Variants in CHAF1A observed in about 807,000 individuals in gnomAD.
CHAF1A encodes the protein CAF-1 subunit A.
Under a neutral mutation model 93.2 loss-of-function variants are expected in CHAF1A, and 5 were observed. That is an observed-to-expected ratio of 0.05 (90% CI 0.03 to 0.11). The LOEUF is 0.11. Among genes scored for constraint, CHAF1A ranks in the 10% least tolerant of loss-of-function variants. The pLI is 1.00. For synonymous variants in CHAF1A, 504 were observed against 510.3 expected, an observed-to-expected ratio of 0.99 and a Z score of 0.17; for missense variants, 1,102 against 1,259.9, an observed-to-expected ratio of 0.87 and a Z score of 1.90.
At position 4,421,622 on chromosome 19, in the gene CHAF1A, C is replaced by T. The variant is rs544176994; in HGVS notation, c.1018-944C>T. ...CAAAACCCCATCTCTAGGAAAATTA[C>T]AAAAATAGCTGGGTATAGTGGTGTG... On this transcript the variant is annotated intron_variant, in intron 4 of 14. Transcript: ENST00000301280. Among the ~76,000 whole-genome samples the T allele has an allele frequency of 4.5e-4, 69 of 152,128 alleles. 1 individual carries two copies. The highest frequency in any genetic ancestry group is 1.7e-3 in the Admixed American group (26 of 15,270).
At chr19:4,414,002 G>A (rs1973854824) in intron 3 of CHAF1A, among the ~76,000 whole-genome samples, 1 of 152,152 alleles carries the variant, frequency 6.6e-6, no homozygotes, top group Non-Finnish European at 1.5e-5. Context: ...TGATCATGTT[G>A]GTGCAGTTGT....
At chr19:4,414,750 C>A (rs1973868275) in intron 3 of CHAF1A, among the ~76,000 whole-genome samples, 1 of 152,152 alleles carries the variant, frequency 6.6e-6, no homozygotes, top group South Asian at 2.1e-4. Flanking sequence ...TGATTGTTCC[C>A]TTGAGCTTCC....
At chr19:4,445,799 G>GCCTAAA, downstream of CHAF1A, 1 of 1,152,674 alleles carries the variant, frequency 8.7e-7, no homozygotes, top group Non-Finnish European at 1.2e-6. Flanking sequence ...CAGGACCTAA[G>GCCTAAA]CCTAAACCTA....
chr19:4,430,729 G>A, intron 11 of CHAF1A, 88 bp downstream of exon 11: 7 of 1,380,642 alleles, frequency 5.1e-6, no homozygotes, highest in South Asian at 1.2e-5. Flanking sequence ...GGGTGACGGG[G>A]GTCCCAGCCC....
chr19:4,409,247 C>G lies in CHAF1A; in HGVS notation c.448C>G (p.Gln150Glu). The G allele has an allele frequency of 1.9e-6, 3 of 1,614,142 alleles. No individual in the cohort carries two copies. The highest frequency in any genetic ancestry group is 2.5e-6 in the Non-Finnish European group (3 of 1,180,014). The change falls in exon 3 of 15, where the codon CAG (glutamine) becomes GAG (glutamate). Residue 150 changes from glutamine to glutamate, a missense_variant. Gln to Glu is a conservative substitution (Grantham distance 29, BLOSUM62 2). Transcript: ENST00000301280. ...TCCCTCCAGGGAGGCAATAAATGGC[C>G]AGCGAGAAGACACTGGGGATCAGCA... ...ASPSREAING[Q>E]REDTGDQQGL...
rs1255152459 is a variant in CHAF1A, at chr19:4,433,836, A to G, written c.2673+297A>G. On this transcript the variant is annotated intron_variant, in intron 13 of 14. Transcript: ENST00000301280. The surrounding 1 kb of genome is among the most constrained non-coding windows in gnomAD (Gnocchi z 5.6). ...AGGCTGGTCTCGAACTCCTGACCTC[A>G]TGATCCGTCTGCCTTGTCCTCCCAA... Among the ~76,000 whole-genome samples the G allele has an allele frequency of 6.6e-6, 1 of 151,898 alleles. No homozygotes were observed. The highest frequency in any genetic ancestry group is 1.5e-5 in the Non-Finnish European group (1 of 67,972).
rs963264989 is a variant in CHAF1A at position 4,423,193 on chromosome 19, A to G, written c.1248-142A>G. On this transcript the variant is annotated intron_variant, in intron 5 of 14. Coordinates refer to ENST00000301280, the MANE Select transcript of CHAF1A (RefSeq NM_005483.3). ...CATTTTTATTGTGAAGACCTATGTAAAAGCCTTATACTAGACATGAAAATA... is the reference window on the plus strand; with the variant it reads ...CATTTTTATTGTGAAGACCTATGTAGAAGCCTTATACTAGACATGAAAATA... 5.6e-6 allele frequency: 7 copies of G among 1,244,754 alleles called. No homozygotes were observed. The African/African-American group carries it at 1.1e-4, about 19-fold the overall frequency. The allele number at this position is 1,244,754 out of a possible 1,614,324, so 77.1% of individuals were successfully genotyped here. A position where few individuals can be genotyped will look rare whatever the true frequency, so the allele number is the denominator to read the frequency against.
downstream of CHAF1A, chr19:4,447,750 C>G: frequency 1.0e-6 from 1 of 958,876 alleles, no homozygotes; most frequent in Non-Finnish European, 1.7e-6. Flanking sequence ...AAGAAGCGGC[C>G]CAGTGACGCG....
chr19:4,444,352 T>C (rs942288258), downstream of CHAF1A, among the ~76,000 whole-genome samples: 5 of 152,102 alleles, frequency 3.3e-5, no homozygotes, highest in Admixed American at 1.3e-4. Context: ...TCCCTGTGTC[T>C]CCTGGGGCTG....
chr19:4,415,380 G>A (rs568259658), intron 3 of CHAF1A, among the ~76,000 whole-genome samples: 1 of 152,156 alleles, frequency 6.6e-6, no homozygotes, highest in Non-Finnish European at 1.5e-5. Flanking sequence ...TCACAGCAGA[G>A]GGGGGGCATT....
chr19:4,444,115 C>T (rs572137628), downstream of CHAF1A, among the ~76,000 whole-genome samples: 10 of 152,302 alleles, frequency 6.6e-5, no homozygotes, highest in South Asian at 1.4e-3. Flanking sequence ...CCCGACAACC[C>T]GGAATCAGGT....
Position 4,443,127 on chromosome 19 carries a change from C to T in CHAF1A, c.*102C>T, listed in dbSNP as rs774112475. 180 of 782,974 alleles carry T rather than the reference C, an allele frequency of 2.3e-4. No homozygotes were observed. In the Middle Eastern group the frequency reaches 3.1e-3, roughly 14 times the overall value. The allele number at this position is 782,974 out of a possible 1,614,324, so 48.5% of individuals were successfully genotyped here. On this transcript the variant is annotated 3_prime_UTR_variant, in exon 15 of 15. Coordinates refer to ENST00000301280, the MANE Select transcript of CHAF1A (RefSeq NM_005483.3). ...GTAAAGAGCACTTTGTCCTGCTTCA[C>T]GGACCTCCCCAAAGTGTGCAGAGTT... is the stretch of plus-strand genomic sequence containing the variant.
Position 4,402,714 on chromosome 19 carries a change from G to A in CHAF1A, c.-49G>A, listed in dbSNP as rs1045186386. 1.7e-6 allele frequency: 2 copies of A among 1,161,978 alleles called. No homozygotes were observed. Among genetic ancestry groups the A allele is most frequent in the South Asian group, 4.3e-5 (1 of 23,392 alleles). 72.0% of individuals were successfully genotyped at this position (1,161,978 alleles called of 1,614,324 possible). A position where few individuals can be genotyped will look rare whatever the true frequency, so the allele number is the denominator to read the frequency against. On this transcript the variant is annotated 5_prime_UTR_variant, in exon 1 of 15. Transcript: ENST00000301280. Reference sequence around the variant, plus strand: ...GCGAAGAGCAGCGGCCGCCTGAGGGGAGCCCGCGCCTCCGCCGCCTGAGAG... The same window carrying A: ...GCGAAGAGCAGCGGCCGCCTGAGGGAAGCCCGCGCCTCCGCCGCCTGAGAG...
intron 3 of CHAF1A, 65 bp from the exon 4 acceptor site, chr19:4,417,955 G>GT: frequency 8.4e-7 from 1 of 1,190,868 alleles, no homozygotes; most frequent in Non-Finnish European, 1.2e-6. Context: ...ACCTGGAAAG[G>GT]TTTCTCTTTT....
chr19:4,438,329 A>G (rs1485858677), intron 13 of CHAF1A, among the ~76,000 whole-genome samples: 1 of 151,774 alleles, frequency 6.6e-6, no homozygotes, highest in African/African-American at 2.4e-5. Flanking sequence ...TCCCAGCTTC[A>G]TCCATGTTCA....
intron 5 of CHAF1A, 131 bp from the exon 6 acceptor site, chr19:4,423,204 C>G (rs1349110114): frequency 2.2e-6 from 3 of 1,349,518 alleles, no homozygotes; most frequent in Non-Finnish European, 3.0e-6. Flanking sequence ...AAGCCTTATA[C>G]TAGACATGAA....
At chr19:4,408,446 C>T (rs1288949179) in intron 2 of CHAF1A, among the ~76,000 whole-genome samples, 1 of 136,298 alleles carries the variant, frequency 7.3e-6, no homozygotes, top group Non-Finnish European at 1.5e-5. Context: ...CCTGCCTTGG[C>T]CTCCCGCACC....
downstream of CHAF1A, chr19:4,445,268 G>A: frequency 1.7e-6 from 1 of 597,994 alleles, no homozygotes; most frequent in Admixed American, 3.2e-5. Flanking sequence ...AGATTTGTTG[G>A]TGTCCCCAGG....
At chr19:4,431,768 T>C (rs1386838391) in intron 11 of CHAF1A, among the ~76,000 whole-genome samples, 184 bp from the exon 12 acceptor site, 2 of 152,188 alleles carry the variant, frequency 1.3e-5, no homozygotes, top group African/African-American at 4.8e-5. Flanking sequence ...GTGTGAATTA[T>C]TCCATCTGGA....
Sources: gnomAD v4.1 joint callset for allele counts (sites outside exome capture counted in the v4.1 genomes callset) on GRCh38, gnomAD v4.1.1 for gene constraint, Gnocchi (gnomAD v3.1) non-coding constraint, MANE v1.5 for transcripts, NCBI Gene and HGNC (gene_info 2026-07-23, HGNC 2026-07-21) for gene names.